The following SLC24A2 variants were observed in gnomAD, a reference collection of about 807,000 sequenced individuals.
SLC24A2 encodes solute carrier family 24 member 2.
SLC24A2 carries 36 observed loss-of-function variants against 62.0 expected under a neutral mutation model. That is an observed-to-expected ratio of 0.58 (90% CI 0.44 to 0.77). The LOEUF is 0.77. SLC24A2 is among the 30% of genes least tolerant of loss of function. The pLI is 0.00. For synonymous variants in SLC24A2, 358 were observed against 294.0 expected (o/e 1.22, Z -2.23); for missense variants, 846 against 817.9 (o/e 1.03, Z -0.42).
rs1165834554 is a variant in SLC24A2 at position 19,760,507 on chromosome 9, T to C, written c.930+25430A>G. Among the ~76,000 whole-genome samples, 4 of 151,954 alleles carry C rather than the reference T, an allele frequency of 2.6e-5. No individual in the cohort carries two copies. The South Asian group carries it at 6.2e-4, about 24-fold the overall frequency. ...ACATTAGGTATTTCTCCTAATGCTA[T>C]CCCTCCCCTTGTCCCTGACCCCCCC... is the stretch of plus-strand genomic sequence containing the variant. On this transcript the variant is annotated intron_variant, in intron 2 of 10. Transcript: ENST00000341998.
the SLC24A2 span, among the ~76,000 whole-genome samples, chr9:20,094,002 T>G: frequency 6.6e-6 from 1 of 152,166 alleles, no homozygotes; most frequent in Non-Finnish European, 1.5e-5. Context: ...AATAGTGTGG[T>G]CCCTGAGAGT....
chr9:19,913,320 AC>A, the SLC24A2 span, among the ~76,000 whole-genome samples: 1 of 152,114 alleles, frequency 6.6e-6, no homozygotes, highest in Admixed American at 6.6e-5. Flanking sequence ...AGACGTGCCC[AC>A]ATCCCATAAA....
intron 8 of SLC24A2, among the ~76,000 whole-genome samples, chr9:19,541,649 C>T (rs1393650042): frequency 6.7e-6 from 1 of 148,328 alleles, no homozygotes; most frequent in Non-Finnish European, 1.5e-5. Context: ...GAGGTTACTG[C>T]TGTCTTTTTG....
intron 5 of SLC24A2, among the ~76,000 whole-genome samples, chr9:19,590,081 A>G (rs550189505): frequency 1.6e-4 from 24 of 152,284 alleles, no homozygotes; most frequent in African/African-American, 5.3e-4. Flanking sequence ...AGGGTCCCCA[A>G]AACTCCCCTC....
chr9:19,872,496 G>A, the SLC24A2 span, among the ~76,000 whole-genome samples: 13 of 152,218 alleles, frequency 8.5e-5, no homozygotes, highest in African/African-American at 1.7e-4. Flanking sequence ...GTCTCAGGTC[G>A]TTTTCCTCAC....
intron 2 of SLC24A2, among the ~76,000 whole-genome samples, chr9:19,647,263 T>C (rs1369713336): frequency 1.3e-5 from 2 of 152,212 alleles, no homozygotes; most frequent in Admixed American, 1.3e-4. Context: ...ATTAAAGGTG[T>C]TCACAGAAAT....
chr9:19,791,877 A>T (rs1223248636), upstream of SLC24A2, among the ~76,000 whole-genome samples: 1 of 152,240 alleles, frequency 6.6e-6, no homozygotes, highest in East Asian at 1.9e-4. Context: ...TGTAAGTATA[A>T]ACATTAGTTG....
At chr9:19,730,956 C>T (rs1363029713) in intron 2 of SLC24A2, among the ~76,000 whole-genome samples, 1 of 152,014 alleles carries the variant, frequency 6.6e-6, no homozygotes, top group Admixed American at 6.6e-5. Flanking sequence ...ACCTGACCTA[C>T]TTAAAACTGT....
At chr9:20,133,222 A>G in the SLC24A2 span, among the ~76,000 whole-genome samples, 1 of 152,002 alleles carries the variant, frequency 6.6e-6, no homozygotes, top group Non-Finnish European at 1.5e-5. Context: ...TCATACATGC[A>G]TGCATGCACA....
intron 8 of SLC24A2, among the ~76,000 whole-genome samples, chr9:19,539,088 TCTCTC>T (rs1834119421): frequency 1.3e-5 from 1 of 74,734 alleles, no homozygotes; most frequent in African/African-American, 5.5e-5. Flanking sequence ...ATTTGATTCT[TCTCTC>T]TTTTTTTCTT....
intron 2 of SLC24A2, among the ~76,000 whole-genome samples, chr9:19,778,038 T>C (rs1360910039): frequency 6.6e-6 from 1 of 152,198 alleles, no homozygotes; most frequent in Non-Finnish European, 1.5e-5. Flanking sequence ...TTTACTATGA[T>C]GGTCAGGCTG....
the SLC24A2 span, among the ~76,000 whole-genome samples, chr9:20,180,061 TA>T: frequency 6.6e-6 from 1 of 152,292 alleles, no homozygotes; most frequent in Non-Finnish European, 1.5e-5. Context: ...ATTGCCTGGC[TA>T]AAATCAACAT....
chr9:19,523,632 T>G (rs1452794436), intron 9 of SLC24A2, among the ~76,000 whole-genome samples: 1 of 152,016 alleles, frequency 6.6e-6, no homozygotes, highest in Non-Finnish European at 1.5e-5. Flanking sequence ...CTGGCTAATT[T>G]TTGCATTTTT....
At chr9:20,205,687 C>T in the SLC24A2 span, among the ~76,000 whole-genome samples, 8 of 132,484 alleles carry the variant, frequency 6.0e-5, no homozygotes, top group African/African-American at 8.7e-5. Context: ...AACAAAAAAA[C>T]GTTTACCTCA....
At chr9:19,863,912 A>T in the SLC24A2 span, among the ~76,000 whole-genome samples, 6 of 151,852 alleles carry the variant, frequency 4.0e-5, no homozygotes, top group East Asian at 1.9e-4. Flanking sequence ...TTGTTTTTTT[A>T]AAAAGTTAAA....
At chr9:20,091,166 T>G in the SLC24A2 span, among the ~76,000 whole-genome samples, 2 of 149,140 alleles carry the variant, frequency 1.3e-5, no homozygotes, top group Admixed American at 6.6e-5. Flanking sequence ...AAAAAAAGAA[T>G]AAGAAAGAAT....
At chr9:19,560,304 C>A (rs904591293) in intron 7 of SLC24A2, among the ~76,000 whole-genome samples, 1 of 111,508 alleles carries the variant, frequency 9.0e-6, no homozygotes, top group Non-Finnish European at 1.7e-5. Context: ...TGAGCCCGCC[C>A]CCCACCCCCA....
chr9:20,221,226 A>C, the SLC24A2 span, among the ~76,000 whole-genome samples: 1 of 152,214 alleles, frequency 6.6e-6, no homozygotes, highest in East Asian at 1.9e-4. Flanking sequence ...TGCAATTTGA[A>C]ATTGTAAACA....
chr9:19,876,370 G>A, the SLC24A2 span, among the ~76,000 whole-genome samples: 4 of 96,418 alleles, frequency 4.1e-5, no homozygotes, highest in African/African-American at 1.6e-4. Context: ...GAAGGCGTGT[G>A]TGTGTGTGTG....
Sources: allele counts gnomAD v4.1 joint callset (sites outside exome capture counted in the v4.1 genomes callset), GRCh38; gene constraint gnomAD v4.1.1; transcripts MANE v1.5; gene names NCBI Gene and HGNC (gene_info 2026-07-23, HGNC 2026-07-21).